Variants in TBC1D5 observed in about 807,000 individuals in gnomAD.
TBC1D5 encodes the protein TBC1 domain family member 5.
In TBC1D5, 75 loss-of-function variants were observed where a neutral mutation model predicts 100.3. That is an observed-to-expected ratio of 0.75 (90% CI 0.62 to 0.91). TBC1D5 has a LOEUF of 0.91. TBC1D5 is among the 40% of genes least tolerant of loss of function. The pLI is 0.00. For missense variants in TBC1D5, 910 were observed against 942.4 expected (o/e 0.97, Z 0.45); for synonymous variants, 323 against 325.6 (o/e 0.99, Z 0.09).
chr3:17,525,781 T>TTTTTTTTTTTTTTTTTTTTTTTA, intron 2 of TBC1D5, among the ~76,000 whole-genome samples: 1 of 151,464 alleles, frequency 6.6e-6, no homozygotes, highest in African/African-American at 2.4e-5. Context: ...TCTGTTTTCT[T>TTTTTTTTTTTTTTTTTTTTTTTA]GAATAACAAG....
intron 13 of TBC1D5, among the ~76,000 whole-genome samples, chr3:17,317,245 C>A (rs1162167589): frequency 1.3e-5 from 2 of 152,168 alleles, no homozygotes. Flanking sequence ...TTTGGATTAT[C>A]CACCATCTGG....
At chr3:17,659,433 A>G (rs564550954) in intron 1 of TBC1D5, among the ~76,000 whole-genome samples, 1 of 152,204 alleles carries the variant, frequency 6.6e-6, no homozygotes, top group East Asian at 1.9e-4. Context: ...TTACAGATAA[A>G]GGAGAGGAAG....
intron 17 of TBC1D5, among the ~76,000 whole-genome samples, chr3:17,218,460 T>C (rs1247805130): frequency 6.6e-6 from 1 of 152,020 alleles, no homozygotes; most frequent in Non-Finnish European, 1.5e-5. Context: ...AATAAATTTA[T>C]ATTATCTTTT....
intron 18 of TBC1D5, among the ~76,000 whole-genome samples, chr3:17,202,370 G>A (rs553194873): frequency 6.6e-6 from 1 of 152,300 alleles, no homozygotes; most frequent in South Asian, 2.1e-4. Context: ...TCTGAAACTG[G>A]AACTTATACA....
intron 3 of TBC1D5, among the ~76,000 whole-genome samples, chr3:17,475,699 C>A (rs574579957): frequency 8.5e-5 from 13 of 152,118 alleles, no homozygotes; most frequent in Non-Finnish European, 1.9e-4. Context: ...AAATTATTTG[C>A]ACTGCTGATA....
chr3:17,677,697 G>A (rs369471433), intron 1 of TBC1D5, among the ~76,000 whole-genome samples: 5 of 152,148 alleles, frequency 3.3e-5, no homozygotes, highest in African/African-American at 9.7e-5. Context: ...ACATGCACAC[G>A]TATGTTTATT....
At chr3:17,320,354 A>T (rs1263551680) in intron 13 of TBC1D5, among the ~76,000 whole-genome samples, 5 of 152,190 alleles carry the variant, frequency 3.3e-5, no homozygotes, top group African/African-American at 1.2e-4. Flanking sequence ...ATACCTACTA[A>T]ATCAGAAGCT....
intron 4 of TBC1D5, among the ~76,000 whole-genome samples, chr3:17,408,669 T>C (rs915865567): frequency 2.0e-5 from 3 of 152,158 alleles, no homozygotes; most frequent in African/African-American, 7.2e-5. Context: ...TGCTTTTTAG[T>C]GTGCCTTATT....
chr3:17,232,528 T>C (rs76276374), intron 17 of TBC1D5, among the ~76,000 whole-genome samples: 3,615 of 152,250 alleles, frequency 0.024, 136 homozygotes, highest in African/African-American at 0.08. Context: ...TTCTATTATG[T>C]AGATCATTTA....
chr3:17,467,441 C>T (rs546956137), intron 3 of TBC1D5, among the ~76,000 whole-genome samples: 168 of 152,176 alleles, frequency 1.1e-3, no homozygotes, highest in Middle Eastern at 6.8e-3. Flanking sequence ...TCAATCTAGA[C>T]CTTAAAATAC....
chr3:17,321,971 T>C (rs920113285), intron 13 of TBC1D5, among the ~76,000 whole-genome samples: 27 of 152,262 alleles, frequency 1.8e-4, no homozygotes, highest in African/African-American at 6.3e-4. Context: ...TTACAGTGAG[T>C]CTGCCTGATT....
At chr3:17,447,411 T>C (rs184006532) in intron 3 of TBC1D5, among the ~76,000 whole-genome samples, 193 of 152,096 alleles carry the variant, frequency 1.3e-3, no homozygotes, top group Non-Finnish European at 2.0e-3. Context: ...ACTGATAGAA[T>C]ACAAGATTCC....
chr3:17,543,449 A>G (rs192520508), intron 2 of TBC1D5, among the ~76,000 whole-genome samples: 36 of 152,168 alleles, frequency 2.4e-4, no homozygotes, highest in Non-Finnish European at 4.1e-4. Flanking sequence ...CCTGGGTAAC[A>G]TGGTGAGATC....
intron 1 of TBC1D5, among the ~76,000 whole-genome samples, chr3:17,637,188 A>AT (rs1186523023): frequency 0.015 from 1,406 of 95,482 alleles, 139 homozygotes; most frequent in African/African-American, 0.033. Context: ...TGCCCGACTA[A>AT]TTTTTTTTTT....
At chr3:17,380,619 C>T (rs887572177) in intron 9 of TBC1D5, among the ~76,000 whole-genome samples, 1 of 152,020 alleles carries the variant, frequency 6.6e-6, no homozygotes, top group Non-Finnish European at 1.5e-5. Flanking sequence ...GCCTTTATCC[C>T]TGCTAGATTG....
intron 1 of TBC1D5, among the ~76,000 whole-genome samples, chr3:17,656,464 C>T (rs1278023003): frequency 6.6e-6 from 1 of 152,178 alleles, no homozygotes; most frequent in African/African-American, 2.4e-5. Flanking sequence ...AGACGGCATA[C>T]AGAGTAACAG....
intron 17 of TBC1D5, among the ~76,000 whole-genome samples, chr3:17,226,411 T>C (rs1180195075): frequency 6.6e-6 from 1 of 151,822 alleles, no homozygotes; most frequent in African/African-American, 2.4e-5. Context: ...TACGCTGCTG[T>C]AGGGCCCTGC....
At chr3:17,430,529 GT>G (rs1379083504) in intron 3 of TBC1D5, among the ~76,000 whole-genome samples, 4 of 151,668 alleles carry the variant, frequency 2.6e-5, no homozygotes, top group Non-Finnish European at 1.5e-5. Context: ...AAAAAAAGCA[GT>G]TTTTCTTTCT....
At chr3:17,714,522 ATTC>A (rs1441202195) in intron 1 of TBC1D5, among the ~76,000 whole-genome samples, 1 of 152,230 alleles carries the variant, frequency 6.6e-6, no homozygotes, top group Non-Finnish European at 1.5e-5. Flanking sequence ...TGGGAGAGAC[ATTC>A]TTCTTCTGTT....
Sources: allele counts gnomAD v4.1 joint callset (sites outside exome capture counted in the v4.1 genomes callset), GRCh38; gene constraint gnomAD v4.1.1; transcripts MANE v1.5; gene names NCBI Gene and HGNC (gene_info 2026-07-23, HGNC 2026-07-21).